The following GLI3 variants were observed in gnomAD, a reference collection of about 807,000 sequenced individuals.
GLI3 encodes the protein transcription activator GLI3.
GLI3 carries 20 observed loss-of-function variants against 100.8 expected under a neutral mutation model. The observed-to-expected ratio is 0.20, with a 90% CI of 0.14 to 0.29. The LOEUF (loss-of-function observed/expected upper bound fraction) is 0.29. Ranked by LOEUF, GLI3 falls within the 10% of genes least tolerant of loss-of-function variation. The probability of loss-of-function intolerance (pLI) is 1.00; values close to 1 mark genes in which losing one functional copy is unlikely to be tolerated. For synonymous variants in GLI3, 938 were observed against 860.5 expected (o/e 1.09, Z -1.58); for missense variants, 2,040 against 2,128.5 (o/e 0.96, Z 0.82).
chr7:41,965,781 G>C lies in GLI3; in HGVS notation c.3292C>G (p.Gln1098Glu), dbSNP rs1787152837. The change falls in exon 15 of 15, where the codon CAG (glutamine) becomes GAG (glutamate). Residue 1098 changes from glutamine to glutamate, a missense_variant. Gln to Glu is a conservative substitution (Grantham distance 29). Around this residue, in one of 5 missense-constraint regions of GLI3, gnomAD observed 1,041 missense variants for 924.0 expected, o/e 1.13. Coordinates refer to ENST00000395925, the MANE Select transcript of GLI3 (RefSeq NM_000168.6). ...DEDFLPDDVVQYLNSQNQAGY... is the reference protein window; with the variant it reads ...DEDFLPDDVVEYLNSQNQAGY... Reference sequence around the variant, plus strand: ...GCTTGGTTCTGGGAATTTAAATACTGCACCACGTCGTCCGGCAGGAAATCC... The same window carrying C: ...GCTTGGTTCTGGGAATTTAAATACTCCACCACGTCGTCCGGCAGGAAATCC... 6.2e-7 allele frequency: 1 copy of C among 1,613,232 alleles called. No individual in the cohort carries two copies. The highest frequency in any genetic ancestry group is 1.3e-5 in the African/African-American group (1 of 74,772).
intron 10 of GLI3, among the ~76,000 whole-genome samples, chr7:41,990,755 C>T (rs985971496): frequency 3.3e-5 from 5 of 152,092 alleles, no homozygotes; most frequent in Admixed American, 6.6e-5. Flanking sequence ...ACTACATCCA[C>T]GGTCATGGCT....
intron 2 of GLI3, among the ~76,000 whole-genome samples, chr7:42,170,994 T>C (rs551449069): frequency 1.8e-4 from 27 of 152,266 alleles, no homozygotes; most frequent in African/African-American, 5.8e-4. Context: ...AATCATTCTA[T>C]GTAAAATTAT....
chr7:42,094,134 C>T (rs1785287383), intron 3 of GLI3, among the ~76,000 whole-genome samples: 1 of 152,164 alleles, frequency 6.6e-6, no homozygotes, highest in Non-Finnish European at 1.5e-5. Context: ...CTCCCTTGCA[C>T]TGCCCGCCCT....
intron 1 of GLI3, among the ~76,000 whole-genome samples, chr7:42,235,109 T>G (rs2128706886): frequency 6.6e-6 from 1 of 152,350 alleles, no homozygotes; most frequent in Middle Eastern, 3.4e-3. Context: ...ATTTTGAGGC[T>G]ATTTCACTAT....
upstream of GLI3, among the ~76,000 whole-genome samples, chr7:42,240,554 G>A (rs935379329): frequency 1.3e-5 from 2 of 152,086 alleles, no homozygotes; most frequent in African/African-American, 2.4e-5. Context: ...GGTGTCCCGT[G>A]GCTTGCAGCT....
At chr7:41,981,845 A>G (rs1048390335) in intron 10 of GLI3, among the ~76,000 whole-genome samples, 28 of 152,232 alleles carry the variant, frequency 1.8e-4, no homozygotes, top group African/African-American at 5.5e-4. Context: ...GGAGGAGGGC[A>G]GTGCCTGGAA....
At chr7:41,969,947 T>C (rs1232761486) in intron 13 of GLI3, among the ~76,000 whole-genome samples, 3 of 152,172 alleles carry the variant, frequency 2.0e-5, no homozygotes, top group Non-Finnish European at 4.4e-5. Flanking sequence ...CCTAGACAGA[T>C]AGAACAATGA....
intron 10 of GLI3, among the ~76,000 whole-genome samples, chr7:42,012,089 G>A (rs757831402): frequency 1.3e-5 from 2 of 151,942 alleles, no homozygotes; most frequent in South Asian, 2.1e-4. Context: ...AAGTGTCAGC[G>A]CAATATAAAT....
At chr7:42,254,026 C>G (rs1434001833) in intron 1 of GLI3, among the ~76,000 whole-genome samples, 1 of 152,084 alleles carries the variant, frequency 6.6e-6, no homozygotes, top group Non-Finnish European at 1.5e-5. Flanking sequence ...TCAAGACAGG[C>G]CTGACCAACA....
chr7:42,261,222 C>CACAA, intron 1 of GLI3, among the ~76,000 whole-genome samples: 1 of 140,684 alleles, frequency 7.1e-6, no homozygotes, highest in African/African-American at 2.6e-5. Flanking sequence ...CACACACACA[C>CACAA]AACACACACA....
intron 1 of GLI3, among the ~76,000 whole-genome samples, chr7:42,230,487 T>C (rs1457343283): frequency 1.3e-5 from 2 of 152,260 alleles, no homozygotes; most frequent in African/African-American, 4.8e-5. Flanking sequence ...CTATCTAAAC[T>C]TTTAAGAAAT....
chr7:42,009,783 C>T (rs184786305), intron 10 of GLI3, among the ~76,000 whole-genome samples: 2 of 152,266 alleles, frequency 1.3e-5, no homozygotes, highest in African/African-American at 4.8e-5. Context: ...AGAAGATGAG[C>T]AAACGAGGAA....
intron 7 of GLI3, among the ~76,000 whole-genome samples, chr7:42,029,619 C>T (rs1789227062): frequency 6.6e-6 from 1 of 152,170 alleles, no homozygotes; most frequent in South Asian, 2.1e-4. Flanking sequence ...CTTTTGCCTC[C>T]TGTCACAGCA....
At chr7:42,154,161 T>C (rs1418121061) in intron 2 of GLI3, among the ~76,000 whole-genome samples, 1 of 151,522 alleles carries the variant, frequency 6.6e-6, no homozygotes, top group African/African-American at 2.4e-5. Context: ...CACTCTCCCA[T>C]TAAGTTTTTG....
intron 1 of GLI3, among the ~76,000 whole-genome samples, chr7:42,245,570 A>C (rs1788962172): frequency 6.6e-6 from 1 of 152,122 alleles, no homozygotes; most frequent in South Asian, 2.1e-4. Flanking sequence ...AGTCCCAGCT[A>C]CTAGGGAGGC....
chr7:42,093,572 G>C (rs1001828861), intron 3 of GLI3, among the ~76,000 whole-genome samples: 4 of 151,872 alleles, frequency 2.6e-5, no homozygotes, highest in Admixed American at 2.6e-4. Context: ...TTCTGGACAG[G>C]GTCAGATTAA....
chr7:41,996,589 C>T (rs1022929621), intron 10 of GLI3, among the ~76,000 whole-genome samples: 1 of 152,120 alleles, frequency 6.6e-6, no homozygotes, highest in African/African-American at 2.4e-5. Context: ...AAAGGATTTG[C>T]CCTTAGGACA....
chr7:42,175,618 CA>C (rs545191898), intron 2 of GLI3, among the ~76,000 whole-genome samples: 183 of 130,170 alleles, frequency 1.4e-3, no homozygotes, highest in Middle Eastern at 4.1e-3. Flanking sequence ...ACTCTGTCTC[CA>C]AAAAAAAAAA....
chr7:42,172,628 A>G (rs1787398266), intron 2 of GLI3: 1 of 702,862 alleles, frequency 1.4e-6, no homozygotes, highest in Non-Finnish European at 2.6e-6. Flanking sequence ...AGGGATGGAC[A>G]GCGCGGATGC....
Sources: allele counts gnomAD v4.1 joint callset (sites outside exome capture counted in the v4.1 genomes callset), GRCh38; gene constraint gnomAD v4.1.1; regional missense constraint gnomAD v4.1.1; transcripts MANE v1.5; gene names NCBI Gene and HGNC (gene_info 2026-07-23, HGNC 2026-07-21).